The following SPATS2L variants were observed in gnomAD, a reference collection of about 807,000 sequenced individuals.
SPATS2L encodes the protein spermatogenesis associated serine rich 2 like, also known as SPATS2-like protein.
Under a neutral mutation model 59.6 loss-of-function variants are expected in SPATS2L, and 30 were observed. The ratio of observed to expected loss-of-function variants is 0.50; its 90% CI spans 0.38 to 0.68. The LOEUF is 0.68. Among genes scored for constraint, SPATS2L ranks in the 30% least tolerant of loss-of-function variants. The pLI is 0.00. For synonymous variants in SPATS2L, 252 were observed against 263.5 expected (o/e 0.96, Z 0.42); for missense variants, 615 against 700.0 (o/e 0.88, Z 1.37).
At position 200,389,102 on chromosome 2, in the gene SPATS2L, A is replaced by G. The variant is rs1372556528; in HGVS notation, c.-22-121A>G. On this transcript the variant is annotated intron_variant, in intron 2 of 12. Coordinates refer to ENST00000409140, the MANE Select transcript of SPATS2L (RefSeq NM_001100423.2). ...ATGCTTAGCTTGAAAGTATTTTTAC[A>G]TTCTAAAATGATATTTATGATTATG... is the stretch of plus-strand genomic sequence containing the variant. The G allele has an allele frequency of 4.7e-6, 3 of 637,780 alleles. No individual in the cohort carries two copies. In the African/African-American group the frequency reaches 5.5e-5, roughly 12 times the overall value. The allele number at this position is 637,780 out of a possible 1,614,324, so 39.5% of individuals were successfully genotyped here.
chr2:200,332,814 T>A (rs1338068525), intron 2 of SPATS2L, among the ~76,000 whole-genome samples: 1 of 148,402 alleles, frequency 6.7e-6, no homozygotes, highest in Non-Finnish European at 1.5e-5. Flanking sequence ...ATCTATGTAT[T>A]CTAGAGAAAT....
intron 11 of SPATS2L, among the ~76,000 whole-genome samples, chr2:200,472,457 G>C (rs146570292): frequency 0.014 from 2,121 of 152,284 alleles, 20 homozygotes; most frequent in Middle Eastern, 0.027. Context: ...TTGGTAATGG[G>C]GACTCTACGA....
intron 2 of SPATS2L, among the ~76,000 whole-genome samples, chr2:200,334,974 T>C (rs1487195690): frequency 6.6e-6 from 1 of 152,202 alleles, no homozygotes; most frequent in Non-Finnish European, 1.5e-5. Context: ...TCTTTTGGCT[T>C]AGGATTGACT....
chr2:200,457,506 A>G (rs1397873110), intron 8 of SPATS2L, among the ~76,000 whole-genome samples: 1 of 152,208 alleles, frequency 6.6e-6, no homozygotes, highest in African/African-American at 2.4e-5. Flanking sequence ...TGTATCATGC[A>G]TTTCCTATAT....
rs1255843005 is a variant in SPATS2L, at chr2:200,387,247, CT to C, written c.-22-1972del. Among the ~76,000 whole-genome samples the C allele has an allele frequency of 4.6e-5, 7 of 152,302 alleles. No individual in the cohort carries two copies. In the East Asian group the frequency reaches 1.3e-3, roughly 29 times the overall value. ...CTTTCAATGGCAAAAATCACAATTACTTTTGCACCAACTGACTCTCCTATAT... is the reference window on the plus strand; with the variant it reads ...CTTTCAATGGCAAAAATCACAATTACTTTGCACCAACTGACTCTCCTATAT... On this transcript the variant is annotated intron_variant, in intron 2 of 12. Transcript: ENST00000409140.
intron 3 of SPATS2L, among the ~76,000 whole-genome samples, chr2:200,401,941 A>T (rs886890233): frequency 6.6e-6 from 1 of 152,178 alleles, no homozygotes; most frequent in African/African-American, 2.4e-5. Context: ...CTCCCAAAAG[A>T]GTAAAGCTAC....
chr2:200,424,737 A>G (rs1193411993), intron 6 of SPATS2L, among the ~76,000 whole-genome samples: 1 of 152,104 alleles, frequency 6.6e-6, no homozygotes, highest in Non-Finnish European at 1.5e-5. Context: ...CACAATTCCC[A>G]TTGAATAGGA....
In SPATS2L at chr2:200,412,306, T is replaced by C; in HGVS notation, c.40-5T>C. The stretch of plus-strand genomic sequence containing the variant: ...TCTATTTCTTTTTTTTTTTTTCCTT[T>C]ACAGATCTATGCAGTTAGATCAGTT... On this transcript the variant is annotated splice_region_variant and splice_polypyrimidine_tract_variant and intron_variant, in intron 3 of 12. Transcript: ENST00000409140. The C allele has an allele frequency of 2.7e-6, 4 of 1,475,772 alleles. No homozygotes were observed. The highest frequency in any genetic ancestry group is 3.7e-6 in the Non-Finnish European group (4 of 1,083,696). The allele number at this position is 1,475,772 out of a possible 1,614,324, so 91.4% of individuals were successfully genotyped here. A position where few individuals can be genotyped will look rare whatever the true frequency, so the allele number is the denominator to read the frequency against.
At chr2:200,339,799 C>T (rs1207785303) in intron 2 of SPATS2L, among the ~76,000 whole-genome samples, 3 of 152,164 alleles carry the variant, frequency 2.0e-5, no homozygotes, top group Non-Finnish European at 4.4e-5. Context: ...AAGTGCAATA[C>T]AAATGTAATT....
intron 1 of SPATS2L, among the ~76,000 whole-genome samples, chr2:200,324,347 G>A (rs987995894): frequency 1.3e-5 from 2 of 152,202 alleles, no homozygotes; most frequent in African/African-American, 4.8e-5. Context: ...CTGCTTTGCA[G>A]TAGAGAGCCC....
At chr2:200,330,503 A>AT (rs1559044022) in intron 2 of SPATS2L, among the ~76,000 whole-genome samples, 1 of 152,240 alleles carries the variant, frequency 6.6e-6, no homozygotes, top group Admixed American at 6.5e-5. Flanking sequence ...GAGAATTAAT[A>AT]TAGAAACAAC....
At position 200,419,406 on chromosome 2, in the gene SPATS2L, G is replaced by A. The variant is rs758373034; in HGVS notation, c.355G>A (p.Asp119Asn). The A allele has an allele frequency of 6.2e-7, 1 of 1,613,578 alleles. No individual in the cohort carries two copies. The highest frequency in any genetic ancestry group is 8.5e-7 in the Non-Finnish European group (1 of 1,179,796). ...NGCEKDSSST[D>N]SANEKPALIP... ...CTGCGAGAAGGACAGCTCGTCCACA[G>A]ATTCTGCTAACGAAAAACCAGCCCT... Residue 119 changes from aspartate to asparagine, a missense_variant, in exon 6 of 13, where the codon GAT becomes AAT. By Grantham distance (23) the Asp-to-Asn change is conservative. Transcript: ENST00000409140.
At chr2:200,424,204 C>T (rs543306608) in intron 6 of SPATS2L, among the ~76,000 whole-genome samples, 2 of 151,946 alleles carry the variant, frequency 1.3e-5, no homozygotes, top group Non-Finnish European at 2.9e-5. Flanking sequence ...TTATTTTTGC[C>T]GAGCGGGCAC....
At chr2:200,350,440 C>T (rs1312631659) in intron 2 of SPATS2L, among the ~76,000 whole-genome samples, 1 of 152,030 alleles carries the variant, frequency 6.6e-6, no homozygotes, top group Non-Finnish European at 1.5e-5. Flanking sequence ...GTGTTAACCA[C>T]CCCCACCCCA....
At position 200,441,053 on chromosome 2, in the gene SPATS2L, C is replaced by T. The variant is rs536228073; in HGVS notation, c.788+269C>T. ...TGAATGATGTAAAACAAAACCTCAA[C>T]AAAGAATAAAACCTCAAAAAATAGT... On this transcript the variant is annotated intron_variant, in intron 8 of 12. Transcript: ENST00000409140. 1.2e-3 allele frequency among the ~76,000 whole-genome samples: 183 copies of T among 152,240 alleles called. 2 individuals are homozygous for T. The highest frequency in any genetic ancestry group is 2.1e-3 in the South Asian group (10 of 4,830).
chr2:200,324,697 C>T (rs1267873049), intron 1 of SPATS2L, among the ~76,000 whole-genome samples: 1 of 152,120 alleles, frequency 6.6e-6, no homozygotes, highest in Non-Finnish European at 1.5e-5. Context: ...GTTGTACTTT[C>T]TATACAATAA....
In SPATS2L at chr2:200,315,001, G is replaced by A. The variant is rs530406438; in HGVS notation, c.-73+8079G>A. 5.3e-5 allele frequency among the ~76,000 whole-genome samples: 8 copies of A among 152,006 alleles called. No individual in the cohort carries two copies. The South Asian group carries it at 1.5e-3, about 28-fold the overall frequency. ...GATTACTTAGTGGACGTTACCATGCGACATAAAGAAATAATAAAATAAAAT... is the reference window on the plus strand; with the variant it reads ...GATTACTTAGTGGACGTTACCATGCAACATAAAGAAATAATAAAATAAAAT... On this transcript the variant is annotated intron_variant, in intron 1 of 12. Coordinates refer to ENST00000409140, the MANE Select transcript of SPATS2L (RefSeq NM_001100423.2).
chr2:200,468,006 C>T (rs897553285), intron 10 of SPATS2L, among the ~76,000 whole-genome samples: 15 of 152,144 alleles, frequency 9.9e-5, no homozygotes, highest in African/African-American at 3.4e-4. Context: ...TCTGAAGGCT[C>T]AGCTCAACAA....
intron 12 of SPATS2L, among the ~76,000 whole-genome samples, chr2:200,477,425 T>A (rs2087612140): frequency 6.6e-6 from 1 of 151,410 alleles, no homozygotes; most frequent in South Asian, 2.1e-4. Context: ...TTTCTTCCAG[T>A]TCCATTTACA....
Sources: gnomAD v4.1 joint callset for allele counts (sites outside exome capture counted in the v4.1 genomes callset) on GRCh38, gnomAD v4.1.1 for gene constraint, MANE v1.5 for transcripts, NCBI Gene and HGNC (gene_info 2026-07-23, HGNC 2026-07-21) for gene names.